The following AGO4 variants were observed in gnomAD, a reference collection of about 807,000 sequenced individuals.
AGO4 encodes the protein protein argonaute-4.
In AGO4, 33 loss-of-function variants were observed where a neutral mutation model predicts 104.7. The observed-to-expected ratio is 0.32, with a 90% CI of 0.24 to 0.42. The LOEUF is 0.42. AGO4 is among the 10% of genes least tolerant of loss of function. The pLI, the probability that AGO4 is intolerant of heterozygous loss-of-function variation, is 1.00. For synonymous variants in AGO4, 331 were observed against 364.7 expected (o/e 0.91, Z 1.05); for missense variants, 711 against 1,083.4 (o/e 0.66, Z 4.83).
rs984306382 is a variant in AGO4, at chr1:35,808,016, G to C, written c.-401G>C. ...CTCTGCACCCTCCGGGCGCGCGCTCGTTCCCCGACCCGCCTCGCCGCCTGC... is the reference window on the plus strand; with the variant it reads ...CTCTGCACCCTCCGGGCGCGCGCTCCTTCCCCGACCCGCCTCGCCGCCTGC... On this transcript the variant is annotated 5_prime_UTR_variant, in exon 1 of 18. Transcript: ENST00000373210. This position sits in a 1 kb window ranked among gnomAD's most constrained non-coding sequence, Gnocchi z 5.2. 6.7e-6 allele frequency among the ~76,000 whole-genome samples: 1 copy of C among 150,374 alleles called. No homozygotes were observed. The highest frequency in any genetic ancestry group is 1.5e-5 in the Non-Finnish European group (1 of 67,276).
chr1:35,809,128 T>C (rs1380104239), intron 1 of AGO4, among the ~76,000 whole-genome samples: 1 of 152,168 alleles, frequency 6.6e-6, no homozygotes, highest in Non-Finnish European at 1.5e-5. Flanking sequence ...TGAGTTCTCT[T>C]CTAATTGGGT....
chr1:35,841,178 C>T lies in AGO4; in HGVS notation c.1738C>T (p.Gln580Ter). 6.2e-7 allele frequency: 1 copy of T among 1,609,382 alleles called. No homozygotes were observed. The highest frequency in any genetic ancestry group is 8.5e-7 in the Non-Finnish European group (1 of 1,175,966). ...LVPHQRPSVF[Q>*]QPVIFLGADV... is the part of the protein sequence containing the mutation. ...AAATCTGAGCAGGCCCTCGGTGTTC[C>T]AGCAGCCTGTCATCTTCCTGGGAGC... The change falls in exon 14 of 18, where the codon CAG becomes TAG. Residue 580 changes from glutamine (Q) to a stop codon, truncating the protein, a stop_gained. Coordinates refer to ENST00000373210, the MANE Select transcript of AGO4 (RefSeq NM_017629.4). LOFTEE classifies it high-confidence loss of function. The surrounding 1 kb of genome is among the most constrained non-coding windows in gnomAD (Gnocchi z 4.7).
chr1:35,848,384 C>T (rs1644622493), intron 15 of AGO4, among the ~76,000 whole-genome samples: 1 of 152,202 alleles, frequency 6.6e-6, no homozygotes, highest in African/African-American at 2.4e-5. Context: ...CCTATTTCCT[C>T]CTCATCAGCT....
chr1:35,842,842 C>T (rs996080822), intron 15 of AGO4, among the ~76,000 whole-genome samples: 5 of 152,238 alleles, frequency 3.3e-5, no homozygotes, highest in South Asian at 2.1e-4. Context: ...CCTCTAATCC[C>T]CAGGCATTTC....
Position 35,841,488 on chromosome 1 carries a change from CATT to C in AGO4, c.2040+11_2040+13del, listed in dbSNP as rs1402266517. 4 of 1,610,742 alleles carry C rather than the reference CATT, an allele frequency of 2.5e-6. No homozygotes were observed. In the African/African-American group the frequency reaches 5.3e-5, roughly 22 times the overall value. ...GAGGGACAAATGAAACAGGTACTCT[CATT>C]ATCCCTGTTGCCCTTCGGGGCCCCT... On this transcript the variant is annotated intron_variant, in intron 14 of 17. Coordinates refer to ENST00000373210, the MANE Select transcript of AGO4 (RefSeq NM_017629.4). This position sits in a 1 kb window ranked among gnomAD's most constrained non-coding sequence, Gnocchi z 4.7.
intron 1 of AGO4, among the ~76,000 whole-genome samples, chr1:35,809,382 A>G (rs940115263): frequency 6.6e-6 from 1 of 152,142 alleles, no homozygotes; most frequent in Non-Finnish European, 1.5e-5. Flanking sequence ...TTCAAACTTT[A>G]CCTACATAAT....
At position 35,835,761 on chromosome 1, in the gene AGO4, G is replaced by A. The variant is rs1644299819; in HGVS notation, c.1565-73G>A. 3 of 1,281,308 alleles carry A rather than the reference G, an allele frequency of 2.3e-6. No individual in the cohort carries two copies. In the Admixed American group the frequency reaches 7.7e-5, roughly 33 times the overall value. The allele number at this position is 1,281,308 out of a possible 1,614,324, so 79.4% of individuals were successfully genotyped here. ...AGTAGGTTATAAAGTTAATGTGTGG[G>A]GTTTTTTTCCTTCTGCTTTTAGTAA... is the stretch of plus-strand genomic sequence containing the variant. On this transcript the variant is annotated intron_variant, in intron 12 of 17. Coordinates refer to ENST00000373210, the MANE Select transcript of AGO4 (RefSeq NM_017629.4).
chr1:35,810,010 G>A (rs1643447311), intron 1 of AGO4, among the ~76,000 whole-genome samples: 1 of 151,240 alleles, frequency 6.6e-6, no homozygotes, highest in Non-Finnish European at 1.5e-5. Context: ...GGTGATATTA[G>A]GCACTGCCCA....
chr1:35,850,746 A>C (rs1202508170), intron 16 of AGO4, 108 bp from the exon 17 acceptor site: 1 of 859,796 alleles, frequency 1.2e-6, no homozygotes, highest in African/African-American at 1.8e-5. Flanking sequence ...GTACCACTGC[A>C]CTCCAGCCTA....
intron 7 of AGO4, among the ~76,000 whole-genome samples, chr1:35,827,755 CATT>C (rs1437425990): frequency 5.5e-5 from 8 of 146,372 alleles, no homozygotes; most frequent in Non-Finnish European, 9.0e-5. Context: ...GATGCAGAGT[CATT>C]ATAAGCTTTT....
chr1:35,829,271 C>T (rs1644117063), intron 7 of AGO4, among the ~76,000 whole-genome samples: 1 of 147,842 alleles, frequency 6.8e-6, no homozygotes, highest in Non-Finnish European at 1.5e-5. Flanking sequence ...ATTGGTATTT[C>T]ATGTATTATT....
chr1:35,848,489 T>C (rs887695703), intron 15 of AGO4, among the ~76,000 whole-genome samples: 32 of 152,212 alleles, frequency 2.1e-4, no homozygotes, highest in Non-Finnish European at 2.6e-4. Flanking sequence ...ATTAGTTCTC[T>C]TGATGCCCCT....
In AGO4 at chr1:35,832,348, T is replaced by A. The variant is rs148624448; in HGVS notation, c.1246-89T>A. 82 of 1,495,426 alleles carry A rather than the reference T, an allele frequency of 5.5e-5. No individual in the cohort carries two copies. In the African/African-American group the frequency reaches 9.0e-4, roughly 16 times the overall value. The allele number at this position is 1,495,426 out of a possible 1,614,324, so 92.6% of individuals were successfully genotyped here. ...TAATAGAATTTTGTTTATTCACTAG[T>A]CAATAGTAAAATGGCCTTAGATTGT... is the stretch of plus-strand genomic sequence containing the variant. On this transcript the variant is annotated intron_variant, in intron 10 of 17. Coordinates refer to ENST00000373210, the MANE Select transcript of AGO4 (RefSeq NM_017629.4).
intron 7 of AGO4, among the ~76,000 whole-genome samples, chr1:35,828,043 C>T (rs965239232): frequency 5.9e-5 from 9 of 151,900 alleles, no homozygotes; most frequent in African/African-American, 1.9e-4. Flanking sequence ...GCACACCCAG[C>T]CTACTGTTGT....
chr1:35,833,932 A>C, intron 11 of AGO4, 58 bp from the exon 12 acceptor site: 3 of 1,283,354 alleles, frequency 2.3e-6, no homozygotes, highest in Non-Finnish European at 3.0e-6. Flanking sequence ...GAGGAAAATG[A>C]ATGCTAGAAA....
At position 35,850,863 on chromosome 1, in the gene AGO4, C is replaced by T; in HGVS notation, c.2287C>T (p.Arg763Cys). The T allele has an allele frequency of 1.9e-6, 3 of 1,613,226 alleles. No individual in the cohort carries two copies. Among genetic ancestry groups the T allele is most frequent in the Non-Finnish European group, 1.7e-6 (2 of 1,179,594 alleles). Residue 763 changes from arginine to cysteine, a missense_variant, in exon 17 of 18, where the codon CGT (arginine) becomes TGT (cysteine). This residue lies in a region of AGO4 where 401 missense variants were observed against 665.5 expected (regional missense o/e 0.60). Transcript: ENST00000373210. ...CSHAGIQGTS[R>C]PSHYQVLWDD... ...AAAACTCTCTCCTCAGGGAACCAGC[C>T]GTCCCTCACATTACCAGGTCTTGTG... is the stretch of plus-strand genomic sequence containing the variant.
Position 35,853,551 on chromosome 1 carries a change from G to A in AGO4, c.2532G>A (p.Leu844=). 6.2e-7 allele frequency: 1 copy of A among 1,613,986 alleles called. No individual in the cohort carries two copies. Among genetic ancestry groups the A allele is most frequent in the Admixed American group, 1.7e-5 (1 of 59,986 alleles). The change falls in exon 18 of 18, where the codon TTG becomes TTA. Residue 844 remains leucine (L), a synonymous_variant. Transcript: ENST00000373210. ...GQSNGRDPQA[L]AKAVQIHHDT... is the part of the protein sequence containing the mutation. ...GCAACGGCCGGGATCCTCAGGCCTT[G>A]GCTAAGGCTGTGCAAATCCACCATG...
rs952770194 is a variant in AGO4 at position 35,855,444 on chromosome 1, T to G, written c.*1839T>G. ...TTGTAAATACATTGAAGTTTACATT[T>G]CCATGTGCTGTTGATCAACGGCGCC... On this transcript the variant is annotated 3_prime_UTR_variant, in exon 18 of 18. Coordinates refer to ENST00000373210, the MANE Select transcript of AGO4 (RefSeq NM_017629.4). 17 of 152,614 alleles carry G rather than the reference T, an allele frequency of 1.1e-4. No individual in the cohort carries two copies. Among genetic ancestry groups the G allele is most frequent in the African/African-American group, 4.1e-4 (17 of 41,450 alleles). 9.5% of individuals were successfully genotyped at this position (152,614 alleles called of 1,614,324 possible).
intron 4 of AGO4, 60 bp downstream of exon 4, chr1:35,825,554 T>C: frequency 6.4e-7 from 1 of 1,560,610 alleles, no homozygotes. Flanking sequence ...TAGGTTGTAC[T>C]GGAGCCATTG....
Sources: gnomAD v4.1 joint callset for allele counts (sites outside exome capture counted in the v4.1 genomes callset) on GRCh38, gnomAD v4.1.1 for gene constraint, gnomAD v4.1.1 regional missense constraint, Gnocchi (gnomAD v3.1) non-coding constraint, MANE v1.5 for transcripts, NCBI Gene and HGNC (gene_info 2026-07-23, HGNC 2026-07-21) for gene names.